The following RNLS variants were observed in gnomAD, a reference collection of about 807,000 sequenced individuals.
The protein encoded by RNLS is renalase.
RNLS carries 39 observed loss-of-function variants against 39.8 expected under a neutral mutation model. That is an observed-to-expected ratio of 0.98 (90% confidence interval 0.76 to 1.28). The LOEUF is 1.28. Among genes scored for constraint, RNLS ranks in the 50% most tolerant of loss-of-function variants. The probability of loss-of-function intolerance (pLI) is 0.00; values close to 1 mark genes in which losing one functional copy is unlikely to be tolerated. For missense variants in RNLS, 410 were observed against 413.3 expected, an observed-to-expected ratio of 0.99 and a Z score of 0.07; for synonymous variants, 147 against 150.7, an observed-to-expected ratio of 0.98 and a Z score of 0.18.
intron 6 of RNLS, among the ~76,000 whole-genome samples, chr10:88,288,227 A>G (rs1279349421): frequency 6.6e-6 from 1 of 152,124 alleles, no homozygotes; most frequent in East Asian, 1.9e-4. Context: ...GGTGGTTACT[A>G]TTGTTCTTAT....
At position 88,464,610 on chromosome 10, in the gene RNLS, T is replaced by A. The variant is rs563695064; in HGVS notation, c.527-101885A>T. Reference sequence around the variant, plus strand: ...CACATACTGCTAAAACCGTCAGCAATAAGATGTGAGGAAAACCCAAACCAG... The same window carrying A: ...CACATACTGCTAAAACCGTCAGCAAAAAGATGTGAGGAAAACCCAAACCAG... On this transcript the variant is annotated intron_variant, in intron 4 of 6. Coordinates refer to ENST00000331772, the MANE Select transcript of RNLS (RefSeq NM_001031709.3). 2.6e-4 allele frequency among the ~76,000 whole-genome samples: 39 copies of A among 152,126 alleles called. No homozygotes were observed. In the East Asian group the frequency reaches 6.9e-3, roughly 27 times the overall value.
chr10:88,542,281 A>G (rs1462198750), intron 4 of RNLS, among the ~76,000 whole-genome samples: 1 of 152,144 alleles, frequency 6.6e-6, no homozygotes, highest in Non-Finnish European at 1.5e-5. Flanking sequence ...AGTTTTGGTG[A>G]AAAAAGAATG....
At chr10:88,358,133 T>A (rs1849340189) in intron 5 of RNLS, among the ~76,000 whole-genome samples, 1 of 152,208 alleles carries the variant, frequency 6.6e-6, no homozygotes, top group Non-Finnish European at 1.5e-5. Context: ...TTACTAATTT[T>A]AAAAACTACC....
chr10:88,447,082 A>G (rs1342951897), intron 4 of RNLS, among the ~76,000 whole-genome samples: 1 of 152,248 alleles, frequency 6.6e-6, no homozygotes, highest in Non-Finnish European at 1.5e-5. Context: ...AACTGGAAGC[A>G]TTCCCTTTGA....
chr10:88,493,500 A>G (rs1362138243), intron 4 of RNLS, among the ~76,000 whole-genome samples: 1 of 151,998 alleles, frequency 6.6e-6, no homozygotes, highest in Non-Finnish European at 1.5e-5. Flanking sequence ...ACACTCAGCA[A>G]ATTGCCCTCT....
intron 4 of RNLS, among the ~76,000 whole-genome samples, chr10:88,529,976 T>C (rs1233362407): frequency 1.3e-5 from 2 of 152,226 alleles, no homozygotes; most frequent in East Asian, 3.8e-4. Flanking sequence ...CCATATAGTA[T>C]TGTTTTATTC....
At chr10:88,326,217 G>T (rs962215487) in intron 5 of RNLS, among the ~76,000 whole-genome samples, 2 of 152,208 alleles carry the variant, frequency 1.3e-5, no homozygotes, top group African/African-American at 4.8e-5. Flanking sequence ...AACAGGCAGA[G>T]GTTGGAACAG....
intron 4 of RNLS, among the ~76,000 whole-genome samples, chr10:88,535,303 G>A (rs996494166): frequency 6.6e-6 from 1 of 152,060 alleles, no homozygotes; most frequent in African/African-American, 2.4e-5. Context: ...TGAGAGGAGG[G>A]TAGTGAACAA....
chr10:88,397,687 C>G (rs185564400), intron 4 of RNLS, among the ~76,000 whole-genome samples: 2 of 151,806 alleles, frequency 1.3e-5, no homozygotes, highest in African/African-American at 2.4e-5. Context: ...CCAACACAAT[C>G]GCTATAAAAT....
intron 6 of RNLS, among the ~76,000 whole-genome samples, chr10:88,292,476 C>G (rs1843739333): frequency 6.6e-6 from 1 of 151,436 alleles, no homozygotes; most frequent in South Asian, 2.1e-4. Context: ...TGTAAGAAAA[C>G]TTACTCCAAT....
intron 4 of RNLS, among the ~76,000 whole-genome samples, chr10:88,381,497 AC>A (rs1851492111): frequency 2.0e-5 from 3 of 151,722 alleles, no homozygotes; most frequent in Non-Finnish European, 2.9e-5. Context: ...ATATATATAT[AC>A]ATATTAAAAG....
At chr10:88,226,738 C>CTTT in the RNLS span, among the ~76,000 whole-genome samples, 110 of 69,468 alleles carry the variant, frequency 1.6e-3, 9 homozygotes, top group Non-Finnish European at 1.9e-3. Context: ...TCTCCCTTCA[C>CTTT]TTTTTTTTTT....
chr10:88,231,293 G>A, the RNLS span, among the ~76,000 whole-genome samples: 20 of 152,276 alleles, frequency 1.3e-4, no homozygotes, highest in Admixed American at 4.6e-4. Flanking sequence ...AGATGTGCAC[G>A]CACAGAGGAA....
chr10:88,316,169 T>C (rs1160600133), intron 5 of RNLS, among the ~76,000 whole-genome samples: 2 of 152,128 alleles, frequency 1.3e-5, no homozygotes, highest in African/African-American at 2.4e-5. Flanking sequence ...GTGCAGTAAA[T>C]GCAATGGTAA....
chr10:88,291,899 C>T (rs1843695593), intron 6 of RNLS, among the ~76,000 whole-genome samples: 1 of 152,078 alleles, frequency 6.6e-6, no homozygotes, highest in Non-Finnish European at 1.5e-5. Flanking sequence ...CTGGGTCACA[C>T]AGGTGCTTTG....
chr10:88,387,335 C>T (rs1851923444), intron 4 of RNLS, among the ~76,000 whole-genome samples: 1 of 152,006 alleles, frequency 6.6e-6, no homozygotes. Context: ...TGAAAAGAGA[C>T]CTGGAGCTTA....
intron 4 of RNLS, among the ~76,000 whole-genome samples, chr10:88,451,358 C>T (rs1417861334): frequency 6.6e-6 from 1 of 152,158 alleles, no homozygotes; most frequent in African/African-American, 2.4e-5. Flanking sequence ...GGTTTGGCTG[C>T]CCCATCCCCT....
chr10:88,381,595 C>CTAAT (rs1173899340), intron 4 of RNLS, among the ~76,000 whole-genome samples: 4 of 151,904 alleles, frequency 2.6e-5, no homozygotes, highest in Admixed American at 6.5e-5. Context: ...AATTTTCCCT[C>CTAAT]TAATTGTAGA....
the RNLS span, among the ~76,000 whole-genome samples, chr10:88,254,140 T>G: frequency 1.3e-5 from 2 of 152,224 alleles, no homozygotes; most frequent in Non-Finnish European, 2.9e-5. Context: ...CATAGTAGTT[T>G]GAAGGCAGCT....
Sources: allele counts gnomAD v4.1 joint callset (sites outside exome capture counted in the v4.1 genomes callset), GRCh38; gene constraint gnomAD v4.1.1; transcripts MANE v1.5; gene names NCBI Gene and HGNC (gene_info 2026-07-23, HGNC 2026-07-21).